Variants in NEO1 observed in about 807,000 individuals in gnomAD.
The protein encoded by NEO1 is neogenin.
A neutral mutation model predicts 159.7 loss-of-function variants in NEO1; 63 were observed. The ratio of observed to expected loss-of-function variants is 0.39; its 90% CI spans 0.32 to 0.49. The LOEUF (loss-of-function observed/expected upper bound fraction) is 0.49. Ranked by LOEUF, NEO1 falls within the 20% of genes least tolerant of loss-of-function variation. The pLI, the probability that NEO1 is intolerant of heterozygous loss-of-function variation, is 0.85. For missense variants in NEO1, 1,615 were observed against 1,831.0 expected (o/e 0.88, Z 2.15); for synonymous variants, 633 against 662.0 (o/e 0.96, Z 0.67).
intron 7 of NEO1, among the ~76,000 whole-genome samples, chr15:73,183,711 C>A (rs1225048857): frequency 6.6e-6 from 1 of 151,918 alleles, no homozygotes; most frequent in Non-Finnish European, 1.5e-5. Context: ...AGAGGGATAT[C>A]CTGTGGTATT....
intron 28 of NEO1, chr15:73,301,670 ACT>A: frequency 5.6e-6 from 3 of 536,214 alleles, no homozygotes; most frequent in East Asian, 3.3e-5. Context: ...TCCCATATCC[ACT>A]CTTTTTTTTT....
intron 20 of NEO1, among the ~76,000 whole-genome samples, chr15:73,274,386 T>C (rs1460696552): frequency 1.3e-5 from 2 of 152,176 alleles, no homozygotes; most frequent in African/African-American, 2.4e-5. Flanking sequence ...GAAAGACTTA[T>C]TTGTGGACGT....
intron 23 of NEO1, among the ~76,000 whole-genome samples, chr15:73,284,006 C>T (rs1202546985): frequency 6.6e-6 from 1 of 152,116 alleles, no homozygotes; most frequent in Non-Finnish European, 1.5e-5. Flanking sequence ...GCCTTGAACT[C>T]CTCTGGGATT....
intron 5 of NEO1, among the ~76,000 whole-genome samples, chr15:73,140,543 A>C (rs1428825159): frequency 6.6e-6 from 1 of 152,172 alleles, no homozygotes; most frequent in Non-Finnish European, 1.5e-5. Context: ...GTGACAAAGC[A>C]AAACCATCTC....
chr15:73,216,503 G>A (rs930181547), intron 7 of NEO1, among the ~76,000 whole-genome samples: 2 of 152,188 alleles, frequency 1.3e-5, no homozygotes, highest in Non-Finnish European at 2.9e-5. Flanking sequence ...CTGAGGAATA[G>A]CCACACTGAC....
chr15:73,129,732 C>T (rs931052302), intron 4 of NEO1, among the ~76,000 whole-genome samples: 3 of 152,148 alleles, frequency 2.0e-5, no homozygotes, highest in Admixed American at 2.0e-4. Context: ...CTGAACCCCA[C>T]TGCAAGGGAA....
At chr15:73,275,033 C>A (rs2041345351) in intron 21 of NEO1, among the ~76,000 whole-genome samples, 1 of 152,136 alleles carries the variant, frequency 6.6e-6, no homozygotes, top group African/African-American at 2.4e-5. Flanking sequence ...CAACGATAAG[C>A]ATTTAAGTCA....
rs11327718 is a variant in NEO1 at position 73,260,067 on chromosome 15, CTT to C, written c.2204-189_2204-188del. On this transcript the variant is annotated intron_variant, in intron 14 of 28. Transcript: ENST00000261908. ...GTCTTGTATTTAAAGCTGTTCAGGT[CTT>C]TTTTTTTTTTTTTTCTTAGAATGCA... Among the ~76,000 whole-genome samples the C allele has an allele frequency of 2.1e-3, 292 of 136,360 alleles. 1 individual carries two copies. The highest frequency in any genetic ancestry group is 4.5e-3 in the African/African-American group (165 of 37,004). The allele number at this position is 136,360 out of a possible 152,430, so 89.5% of individuals were successfully genotyped here.
At chr15:73,218,249 A>G (rs1287961327) in intron 7 of NEO1, among the ~76,000 whole-genome samples, 1 of 150,590 alleles carries the variant, frequency 6.6e-6, no homozygotes, top group Non-Finnish European at 1.5e-5. Flanking sequence ...CGTATATTGA[A>G]CCAGCCTTGC....
intron 7 of NEO1, among the ~76,000 whole-genome samples, chr15:73,222,770 A>C (rs2150768367): frequency 6.6e-6 from 1 of 152,108 alleles, no homozygotes; most frequent in Admixed American, 6.5e-5. Context: ...TGTTTGTTTC[A>C]GTTTCATTTA....
chr15:73,260,318 G>A lies in NEO1; in HGVS notation c.2251G>A (p.Val751Ile), dbSNP rs140293397. 438 of 1,613,884 alleles carry A rather than the reference G, an allele frequency of 2.7e-4. 2 individuals carry two copies. Among genetic ancestry groups the A allele is most frequent in the Middle Eastern group, 2.3e-3 (14 of 6,044 alleles). ...VPSSLHVRPL[V>I]TSIVVSWTPP... ...TAGCTCTCTTCACGTACGCCCGCTC[G>A]TTACTAGCATCGTAGTGAGCTGGAC... Residue 751 changes from valine (V) to isoleucine (I), a missense_variant, in exon 15 of 29, where the codon GTT becomes ATT. By Grantham distance (29) the Val-to-Ile change is conservative (BLOSUM62 3). This residue lies in a region of NEO1 where 1,018 missense variants were observed against 1,115.4 expected (regional missense o/e 0.91). Coordinates refer to ENST00000261908, the MANE Select transcript of NEO1 (RefSeq NM_002499.4).
chr15:73,183,679 G>C lies in NEO1; in HGVS notation c.1291+5252G>C, dbSNP rs139969693. Reference sequence around the variant, plus strand: ...CTGCCTCAACCATGAACTTTCTACTGTTTGGGAAAGGTCAAGAGCACAGAG... The same window carrying C: ...CTGCCTCAACCATGAACTTTCTACTCTTTGGGAAAGGTCAAGAGCACAGAG... On this transcript the variant is annotated intron_variant, in intron 7 of 28. Coordinates refer to ENST00000261908, the MANE Select transcript of NEO1 (RefSeq NM_002499.4). 1.9e-4 allele frequency among the ~76,000 whole-genome samples: 29 copies of C among 152,194 alleles called. No individual in the cohort carries two copies. In the East Asian group the frequency reaches 2.3e-3, roughly 12 times the overall value.
intron 1 of NEO1, among the ~76,000 whole-genome samples, chr15:73,077,334 G>A (rs752858057): frequency 9.9e-5 from 15 of 152,156 alleles, no homozygotes; most frequent in African/African-American, 1.4e-4. Context: ...ATGAGCCACC[G>A]TTTTCAGGTT....
intron 5 of NEO1, chr15:73,161,775 A>G: frequency 3.5e-6 from 1 of 285,716 alleles, no homozygotes. Flanking sequence ...CTATTTTCTT[A>G]AAGAGACTTT....
At position 73,302,727 on chromosome 15, in the gene NEO1, G is replaced by A. The variant is rs368646486; in HGVS notation, c.*31G>A. The A allele has an allele frequency of 1.5e-5, 24 of 1,588,812 alleles. No homozygotes were observed. The highest frequency in any genetic ancestry group is 2.1e-5 in the Non-Finnish European group (24 of 1,160,006). On this transcript the variant is annotated 3_prime_UTR_variant, in exon 29 of 29. Transcript: ENST00000261908. ...TTCACCAGGACCTGACTTCAAACCT[G>A]AGTCTGGAAGTCTTGGAACTTACCC...
intron 8 of NEO1, among the ~76,000 whole-genome samples, chr15:73,239,782 A>C (rs767698492): frequency 6.6e-6 from 1 of 152,214 alleles, no homozygotes; most frequent in Non-Finnish European, 1.5e-5. Context: ...ATTTGTCAGA[A>C]CATATCCCTG....
chr15:73,110,134 A>G (rs763426443), intron 1 of NEO1, among the ~76,000 whole-genome samples: 1 of 152,232 alleles, frequency 6.6e-6, no homozygotes, highest in African/African-American at 2.4e-5. Context: ...GCATAGTGAT[A>G]GTGGACACTA....
intron 4 of NEO1, among the ~76,000 whole-genome samples, chr15:73,128,240 A>AT (rs768437291): frequency 0.16 from 22,260 of 139,886 alleles, 2,505 homozygotes; most frequent in African/African-American, 0.33. Context: ...ATAAGACTTC[A>AT]TTTTTTTTTT....
intron 1 of NEO1, among the ~76,000 whole-genome samples, chr15:73,113,394 G>C (rs576538927): frequency 6.6e-6 from 1 of 152,096 alleles, no homozygotes; most frequent in African/African-American, 2.4e-5. Context: ...ATGCTAGGTG[G>C]GTACTGGGAA....
Sources: gnomAD v4.1 joint callset for allele counts (sites outside exome capture counted in the v4.1 genomes callset) on GRCh38, gnomAD v4.1.1 for gene constraint, gnomAD v4.1.1 regional missense constraint, MANE v1.5 for transcripts, NCBI Gene and HGNC (gene_info 2026-07-23, HGNC 2026-07-21) for gene names.